Variants in PPARA observed in about 807,000 individuals in gnomAD.
PPARA encodes the protein peroxisome proliferator-activated receptor alpha.
PPARA carries 22 observed loss-of-function variants against 42.2 expected under a neutral mutation model. That is an observed-to-expected ratio of 0.52 (90% confidence interval 0.37 to 0.74). The LOEUF is 0.74. PPARA is among the 30% of genes least tolerant of loss of function. The pLI is 0.00. For synonymous variants in PPARA, 242 were observed against 239.3 expected, an observed-to-expected ratio of 1.01 and a Z score of -0.10; for missense variants, 465 against 608.2, an observed-to-expected ratio of 0.76 and a Z score of 2.48.
At position 46,150,964 on chromosome 22, in the gene PPARA, G is replaced by A. The variant is rs1053663491; in HGVS notation, c.-210+312G>A. ...ACCCGAGTCCGCGGCTGTCCCTGGGGTTTGGCGCTGCGCGGAGGTCGGGTC... is the reference window on the plus strand; with the variant it reads ...ACCCGAGTCCGCGGCTGTCCCTGGGATTTGGCGCTGCGCGGAGGTCGGGTC... On this transcript the variant is annotated intron_variant, in intron 1 of 8. Coordinates refer to ENST00000407236, the MANE Select transcript of PPARA (RefSeq NM_005036.6). This position sits in a 1 kb window ranked among gnomAD's most constrained non-coding sequence, Gnocchi z 7.5. 1 of 152,206 alleles carries A rather than the reference G, an allele frequency of 6.6e-6. No individual in the cohort carries two copies. Among genetic ancestry groups the A allele is most frequent in the South Asian group, 2.1e-4 (1 of 4,836 alleles). The allele number at this position is 152,206 out of a possible 1,614,324, so 9.4% of individuals were successfully genotyped here. A position where few individuals can be genotyped will look rare whatever the true frequency, so the allele number is the denominator to read the frequency against.
At position 46,182,916 on chromosome 22, in the gene PPARA, T is replaced by C. The variant is rs147684566; in HGVS notation, c.-43+6080T>C. ...TACGCCACCATGCCCAGCTAATTTT[T>C]CTATTTTTAGTAAAGACAGGGTTTC... is the stretch of plus-strand genomic sequence containing the variant. On this transcript the variant is annotated intron_variant, in intron 3 of 8. Coordinates refer to ENST00000407236, the MANE Select transcript of PPARA (RefSeq NM_005036.6). The surrounding 1 kb of genome is among the most constrained non-coding windows in gnomAD (Gnocchi z 5.2). Among the ~76,000 whole-genome samples, 415 of 152,264 alleles carry C rather than the reference T, an allele frequency of 2.7e-3. 2 individuals carry two copies. The highest frequency in any genetic ancestry group is 4.6e-3 in the Non-Finnish European group (316 of 68,018).
intron 1 of PPARA, among the ~76,000 whole-genome samples, chr22:46,151,448 C>T (rs540349514): frequency 1.2e-4 from 18 of 152,380 alleles, no homozygotes; most frequent in African/African-American, 4.3e-4. Context: ...GGGGTGGTGC[C>T]AGTGGAAGTC....
At position 46,151,335 on chromosome 22, in the gene PPARA, G is replaced by A. The variant is rs1427157968; in HGVS notation, c.-209-553G>A. On this transcript the variant is annotated intron_variant, in intron 1 of 8. Transcript: ENST00000407236. ...CGGGTGGCTTCTCTGCGGAAGCCGC[G>A]CCACGTCGCTCCCGGTCGGGGCCGC... Among the ~76,000 whole-genome samples, 10 of 152,316 alleles carry A rather than the reference G, an allele frequency of 6.6e-5. No individual in the cohort carries two copies. The East Asian group carries it at 1.9e-3, about 29-fold the overall frequency.
At chr22:46,206,259 G>A (rs911911219) in intron 4 of PPARA, among the ~76,000 whole-genome samples, 4 of 144,656 alleles carry the variant, frequency 2.8e-5, no homozygotes, top group East Asian at 1.9e-4. Context: ...GCACCACCAC[G>A]CCCGGCTAAT....
At chr22:46,174,305 T>C (rs1928675662) in intron 2 of PPARA, among the ~76,000 whole-genome samples, 1 of 49,380 alleles carries the variant, frequency 2.0e-5, no homozygotes, top group Non-Finnish European at 4.0e-5. Context: ...GTTAAGTTGG[T>C]AACTACCAGT....
rs1181648477 is a variant in PPARA, at chr22:46,219,931, A to C, written c.628A>C (p.Ile210Leu). Residue 210 changes from isoleucine (I) to leucine (L), a missense_variant, in exon 7 of 9, where the codon ATC (isoleucine) becomes CTC (leucine). Physicochemically the swap from Ile to Leu is conservative, Grantham distance 5 (BLOSUM62 2). This residue lies in a region of PPARA where 313 missense variants were observed against 469.1 expected (regional missense o/e 0.67). Coordinates refer to ENST00000407236, the MANE Select transcript of PPARA (RefSeq NM_005036.6). This position sits in a 1 kb window ranked among gnomAD's most constrained non-coding sequence, Gnocchi z 4.8. ...AGATCTCAAATCTCTGGCCAAGAGA[A>C]TCTACGAGGCCTACTTGAAGAACTT... ...TADLKSLAKR[I>L]YEAYLKNFNM... is the part of the protein sequence containing the mutation. 6.2e-6 allele frequency: 10 copies of C among 1,614,104 alleles called. No homozygotes were observed. Among genetic ancestry groups the C allele is most frequent in the Non-Finnish European group, 8.5e-6 (10 of 1,180,052 alleles).
In PPARA at chr22:46,230,899, T is replaced by G. The variant is rs1358378888; in HGVS notation, c.712-893T>G. Among the ~76,000 whole-genome samples, 3 of 152,236 alleles carry G rather than the reference T, an allele frequency of 2.0e-5. No individual in the cohort carries two copies. Among genetic ancestry groups the G allele is most frequent in the South Asian group, 4.1e-4 (2 of 4,834 alleles). On this transcript the variant is annotated intron_variant, in intron 7 of 8. Coordinates refer to ENST00000407236, the MANE Select transcript of PPARA (RefSeq NM_005036.6). The surrounding 1 kb of genome is among the most constrained non-coding windows in gnomAD (Gnocchi z 5.0). ...AGCGTTAAATAATGGTGTTCACCCC[T>G]AAAGTGCATATACTGGTAAAATTAA... is the stretch of plus-strand genomic sequence containing the variant.
chr22:46,217,966 G>A (rs1027598949), intron 5 of PPARA, among the ~76,000 whole-genome samples: 2 of 151,294 alleles, frequency 1.3e-5, no homozygotes, highest in African/African-American at 4.9e-5. Context: ...GAGTAGCTGG[G>A]ACTACAGACT....
chr22:46,229,322 G>A (rs1935704504), intron 7 of PPARA, among the ~76,000 whole-genome samples: 1 of 152,076 alleles, frequency 6.6e-6, no homozygotes. Context: ...GGAAGGCTGA[G>A]GTGGACAGAT....
rs560981880 is a variant in PPARA, at chr22:46,193,899, C to G, written c.-42-4443C>G. 5.1e-4 allele frequency among the ~76,000 whole-genome samples: 77 copies of G among 152,306 alleles called. No homozygotes were observed. The highest frequency in any genetic ancestry group is 1.8e-3 in the African/African-American group (73 of 41,570). ...ATGGTTGGTTATGCCTTGATCCCCC[C>G]CAGAGCATTTGGGGCATAGGACACG... On this transcript the variant is annotated intron_variant, in intron 3 of 8. Transcript: ENST00000407236. The surrounding 1 kb of genome is among the most constrained non-coding windows in gnomAD (Gnocchi z 5.3).
intron 2 of PPARA, among the ~76,000 whole-genome samples, chr22:46,159,697 G>A (rs1351521931): frequency 1.3e-5 from 2 of 152,202 alleles, no homozygotes; most frequent in Non-Finnish European, 2.9e-5. Context: ...AATTTTTTAA[G>A]TTCAATTATG....
In PPARA at chr22:46,173,942, T is replaced by A. The variant is rs931017150; in HGVS notation, c.-126-2811T>A. 2.0e-5 allele frequency among the ~76,000 whole-genome samples: 3 copies of A among 151,400 alleles called. No homozygotes were observed. The highest frequency in any genetic ancestry group is 2.9e-5 in the Non-Finnish European group (2 of 68,018). ...ATTATGGGCTAGGTGCAGTGGCTCA[T>A]GCCTGTAATCCCAGCACTTTGGGAG... is the stretch of plus-strand genomic sequence containing the variant. On this transcript the variant is annotated intron_variant, in intron 2 of 8. Transcript: ENST00000407236. The surrounding 1 kb of genome is among the most constrained non-coding windows in gnomAD (Gnocchi z 4.3).
At chr22:46,205,560 T>A (rs1369179487) in intron 4 of PPARA, among the ~76,000 whole-genome samples, 142 of 60,638 alleles carry the variant, frequency 2.3e-3, no homozygotes, top group African/African-American at 3.6e-3. Flanking sequence ...ATATATTTTT[T>A]TTTTTTTTTT....
At position 46,224,488 on chromosome 22, in the gene PPARA, A is replaced by T. The variant is rs1285964109; in HGVS notation, c.711+4474A>T. 6.6e-6 allele frequency among the ~76,000 whole-genome samples: 1 copy of T among 152,116 alleles called. No homozygotes were observed. Among genetic ancestry groups the T allele is most frequent in the Admixed American group, 6.5e-5 (1 of 15,286 alleles). Reference sequence around the variant, plus strand: ...TAGGGAGACCAAGCAGCGGCCTGGAAACACCTTGATCTCTGCCCAGTGGCC... The same window carrying T: ...TAGGGAGACCAAGCAGCGGCCTGGATACACCTTGATCTCTGCCCAGTGGCC... On this transcript the variant is annotated intron_variant, in intron 7 of 8. Coordinates refer to ENST00000407236, the MANE Select transcript of PPARA (RefSeq NM_005036.6). The surrounding 1 kb of genome is among the most constrained non-coding windows in gnomAD (Gnocchi z 5.7).
intron 2 of PPARA, among the ~76,000 whole-genome samples, chr22:46,153,137 A>G (rs1041180447): frequency 2.7e-5 from 4 of 147,924 alleles, no homozygotes; most frequent in Admixed American, 6.7e-5. Flanking sequence ...TTAGAAAAAA[A>G]TGTTTTTTCT....
rs767973990 is a variant in PPARA, at chr22:46,190,380, G to C, written c.-42-7962G>C. On this transcript the variant is annotated intron_variant, in intron 3 of 8. Coordinates refer to ENST00000407236, the MANE Select transcript of PPARA (RefSeq NM_005036.6). This position sits in a 1 kb window ranked among gnomAD's most constrained non-coding sequence, Gnocchi z 5.6. ...AGTGGTTACAATACAGTAAATTAGA[G>C]GGAGTAGTACAGAAGCATAAGCAGT... Among the ~76,000 whole-genome samples, 1 of 152,190 alleles carries C rather than the reference G, an allele frequency of 6.6e-6. No homozygotes were observed. The highest frequency in any genetic ancestry group is 1.5e-5 in the Non-Finnish European group (1 of 68,036).
At chr22:46,220,165 G>C in intron 7 of PPARA, 151 bp downstream of exon 7, 1 of 924,558 alleles carries the variant, frequency 1.1e-6, no homozygotes, top group Non-Finnish European at 1.7e-6. Flanking sequence ...TTCATTCTGA[G>C]ACTCTGAGCT....
chr22:46,214,882 G>A (rs1354932045), intron 4 of PPARA, among the ~76,000 whole-genome samples: 2 of 151,068 alleles, frequency 1.3e-5, no homozygotes, highest in African/African-American at 4.9e-5. Flanking sequence ...TATGCGGGGC[G>A]GAGATGTGCG....
Position 46,165,637 on chromosome 22 carries a change from C to T in PPARA, c.-126-11116C>T, listed in dbSNP as rs1260947897. 6.6e-6 allele frequency among the ~76,000 whole-genome samples: 1 copy of T among 152,300 alleles called. No individual in the cohort carries two copies. Among genetic ancestry groups the T allele is most frequent in the East Asian group, 1.9e-4 (1 of 5,188 alleles). On this transcript the variant is annotated intron_variant, in intron 2 of 8. Coordinates refer to ENST00000407236, the MANE Select transcript of PPARA (RefSeq NM_005036.6). This position sits in a 1 kb window ranked among gnomAD's most constrained non-coding sequence, Gnocchi z 5.5. Reference sequence around the variant, plus strand: ...CCAAAAAAGCTCCATCCCAGGAGTACAGGTGACCTGGAAACGGATCAGCGT... The same window carrying T: ...CCAAAAAAGCTCCATCCCAGGAGTATAGGTGACCTGGAAACGGATCAGCGT...
Sources: allele counts gnomAD v4.1 joint callset (sites outside exome capture counted in the v4.1 genomes callset), GRCh38; gene constraint gnomAD v4.1.1; regional missense constraint gnomAD v4.1.1; non-coding constraint Gnocchi (gnomAD v3.1); transcripts MANE v1.5; gene names NCBI Gene and HGNC (gene_info 2026-07-23, HGNC 2026-07-21).